Variants in RBMS3 observed in about 807,000 individuals in gnomAD.
RBMS3 encodes the protein RNA binding motif single stranded interacting protein 3.
In RBMS3, 27 loss-of-function variants were observed where a neutral mutation model predicts 66.8. The observed-to-expected ratio is 0.40, with a 90% CI of 0.30 to 0.56. RBMS3 has a LOEUF of 0.56. RBMS3 is among the 20% of genes least tolerant of loss of function. The pLI is 0.40. For synonymous variants in RBMS3, 188 were observed against 183.0 expected (o/e 1.03, Z -0.22); for missense variants, 513 against 549.5 (o/e 0.93, Z 0.66).
intron 2 of RBMS3, among the ~76,000 whole-genome samples, chr3:29,480,688 C>G (rs1360976350): frequency 6.6e-6 from 1 of 152,100 alleles, no homozygotes; most frequent in African/African-American, 2.4e-5. Flanking sequence ...AAAGAAGTAG[C>G]TTGAGTAGAG....
intron 6 of RBMS3, among the ~76,000 whole-genome samples, chr3:29,779,544 TG>T (rs1402312722): frequency 1.3e-5 from 2 of 151,250 alleles, no homozygotes; most frequent in African/African-American, 4.8e-5. Flanking sequence ...TTTCTAGGGT[TG>T]AAAAGTACCT....
intron 3 of RBMS3, among the ~76,000 whole-genome samples, chr3:29,521,088 A>AT (rs1316191774): frequency 1.3e-5 from 2 of 151,808 alleles, no homozygotes; most frequent in Non-Finnish European, 1.5e-5. Flanking sequence ...CTGCCTTATT[A>AT]TTTTTTTCCA....
chr3:29,449,018 G>C (rs1243297951), intron 2 of RBMS3, among the ~76,000 whole-genome samples: 3 of 152,070 alleles, frequency 2.0e-5, no homozygotes, highest in African/African-American at 7.2e-5. Context: ...TAGAACTCTG[G>C]ACTTGGGTAC....
intron 4 of RBMS3, among the ~76,000 whole-genome samples, chr3:29,672,124 C>A (rs891726653): frequency 3.3e-5 from 5 of 151,950 alleles, no homozygotes; most frequent in Admixed American, 2.6e-4. Context: ...AGAGTGGGGG[C>A]CGATATTCAA....
intron 4 of RBMS3, among the ~76,000 whole-genome samples, chr3:29,617,883 G>A (rs575612971): frequency 6.6e-6 from 1 of 152,286 alleles, no homozygotes; most frequent in Non-Finnish European, 1.5e-5. Flanking sequence ...GGCAGAGAAT[G>A]TCCCTGCGCT....
chr3:29,853,832 A>G (rs2059005401), intron 6 of RBMS3, among the ~76,000 whole-genome samples: 1 of 152,040 alleles, frequency 6.6e-6, no homozygotes, highest in Non-Finnish European at 1.5e-5. Flanking sequence ...GACCAAGGTT[A>G]TCTTTGGGGT....
At chr3:29,987,386 CCTTT>C (rs936153127) in intron 12 of RBMS3, among the ~76,000 whole-genome samples, 2 of 152,138 alleles carry the variant, frequency 1.3e-5, no homozygotes, top group African/African-American at 4.8e-5. Context: ...ACTGGGGCTC[CCTTT>C]CTTCATTGCA....
rs1441033269 is a variant in RBMS3, at chr3:29,749,603, G to A, written c.557+9726G>A. 2.0e-5 allele frequency among the ~76,000 whole-genome samples: 3 copies of A among 152,160 alleles called. 1 individual carries two copies. Among genetic ancestry groups the A allele is most frequent in the Admixed American group, 2.0e-4 (3 of 15,278 alleles). Reference sequence around the variant, plus strand: ...GTAATACCTATATGAATTGGGTAAAGTCCTCTCTTCTTGAGGTCCCAAAAT... The same window carrying A: ...GTAATACCTATATGAATTGGGTAAAATCCTCTCTTCTTGAGGTCCCAAAAT... On this transcript the variant is annotated intron_variant, in intron 5 of 14. Coordinates refer to ENST00000383767, the MANE Select transcript of RBMS3 (RefSeq NM_001003793.3).
At chr3:29,410,640 A>C (rs2125683278) in intron 1 of RBMS3, among the ~76,000 whole-genome samples, 1 of 152,334 alleles carries the variant, frequency 6.6e-6, no homozygotes, top group South Asian at 2.1e-4. Context: ...CAAAGAATAA[A>C]ATTTTAAATC....
chr3:29,328,848 C>A (rs189078397), intron 1 of RBMS3, among the ~76,000 whole-genome samples: 1 of 152,098 alleles, frequency 6.6e-6, no homozygotes, highest in African/African-American at 2.4e-5. Flanking sequence ...AAGCTGAGGG[C>A]AGTCTTCAAC....
chr3:29,450,642 A>T (rs1319670314), intron 2 of RBMS3, among the ~76,000 whole-genome samples: 1 of 152,066 alleles, frequency 6.6e-6, no homozygotes, highest in Non-Finnish European at 1.5e-5. Context: ...CCGCAAGGAT[A>T]TTATTCATCT....
chr3:29,994,655 AG>A (rs1157805888), intron 14 of RBMS3, among the ~76,000 whole-genome samples: 1 of 152,222 alleles, frequency 6.6e-6, no homozygotes, highest in Non-Finnish European at 1.5e-5. Context: ...ACCCCCCAGC[AG>A]GGGCACACTG....
chr3:29,789,259 CT>C (rs758272400), intron 6 of RBMS3, among the ~76,000 whole-genome samples: 2 of 151,764 alleles, frequency 1.3e-5, no homozygotes, highest in Non-Finnish European at 2.9e-5. Context: ...CGTATTTATC[CT>C]TTTTAAAAAT....
At chr3:29,963,898 G>A (rs556959045) in intron 12 of RBMS3, among the ~76,000 whole-genome samples, 2 of 151,324 alleles carry the variant, frequency 1.3e-5, no homozygotes, top group East Asian at 3.9e-4. Flanking sequence ...AAGAATGAAG[G>A]AGGACAAGAG....
intron 6 of RBMS3, among the ~76,000 whole-genome samples, chr3:29,852,671 G>A (rs2058966207): frequency 6.6e-6 from 1 of 152,158 alleles, no homozygotes; most frequent in African/African-American, 2.4e-5. Flanking sequence ...GCAGATGCTG[G>A]CAAGGTGGCA....
intron 1 of RBMS3, among the ~76,000 whole-genome samples, chr3:29,395,033 C>A (rs2039482997): frequency 6.6e-6 from 1 of 152,182 alleles, no homozygotes; most frequent in Non-Finnish European, 1.5e-5. Flanking sequence ...ATGCCACCTC[C>A]CAATCTCCCA....
chr3:29,862,824 C>T (rs2059250074), intron 6 of RBMS3, among the ~76,000 whole-genome samples: 1 of 147,240 alleles, frequency 6.8e-6, no homozygotes, highest in African/African-American at 2.5e-5. Context: ...GCACTCCAGC[C>T]TGGGAGACAG....
intron 4 of RBMS3, among the ~76,000 whole-genome samples, chr3:29,593,671 TTTTCCCCCATGGGGACAAG>T (rs140332695): frequency 0.017 from 2,583 of 152,272 alleles, 82 homozygotes; most frequent in African/African-American, 0.059. Flanking sequence ...TGTATCCCAT[TTTTCCCCCATGGGGACAAG>T]GGCTGTAGGC....
At chr3:29,651,871 T>C (rs2050156155) in intron 4 of RBMS3, among the ~76,000 whole-genome samples, 1 of 152,076 alleles carries the variant, frequency 6.6e-6, no homozygotes, top group Non-Finnish European at 1.5e-5. Flanking sequence ...TTAAATACAT[T>C]CTAGAAATAA....
Sources: gnomAD v4.1 joint callset for allele counts (sites outside exome capture counted in the v4.1 genomes callset) on GRCh38, gnomAD v4.1.1 for gene constraint, MANE v1.5 for transcripts, NCBI Gene and HGNC (gene_info 2026-07-23, HGNC 2026-07-21) for gene names.